Variants in CELF2 observed in about 807,000 individuals in gnomAD.
CELF2 encodes CUGBP Elav-like family member 2.
CELF2 carries 8 observed loss-of-function variants against 62.6 expected under a neutral mutation model. The ratio of observed to expected loss-of-function variants is 0.13; its 90% CI spans 0.07 to 0.23. The LOEUF (loss-of-function observed/expected upper bound fraction) is 0.23, where lower values mean the gene tolerates loss of function less well. CELF2 is among the 10% of genes least tolerant of loss of function. CELF2 has a pLI of 1.00. For synonymous variants in CELF2, 258 were observed against 250.0 expected (o/e 1.03, Z -0.30); for missense variants, 333 against 671.0 (o/e 0.50, Z 5.56).
At chr10:11,135,088 G>C (rs1007805511) in intron 1 of CELF2, among the ~76,000 whole-genome samples, 20 of 152,246 alleles carry the variant, frequency 1.3e-4, no homozygotes, top group African/African-American at 4.6e-4. Context: ...GAGAGGCTGA[G>C]CGACACCCTG....
At chr10:10,962,593 C>T (rs901182858) in intron 2 of CELF2, among the ~76,000 whole-genome samples, 1 of 152,156 alleles carries the variant, frequency 6.6e-6, no homozygotes, top group Non-Finnish European at 1.5e-5. Flanking sequence ...TGGTGGTGCA[C>T]ACACCCCTGT....
At chr10:11,042,221 A>G (rs2061968953) in intron 1 of CELF2, among the ~76,000 whole-genome samples, 1 of 152,228 alleles carries the variant, frequency 6.6e-6, no homozygotes, top group South Asian at 2.1e-4. Context: ...TCGACAGTAG[A>G]CAGTATATTT....
intron 2 of CELF2, among the ~76,000 whole-genome samples, chr10:11,188,596 T>C (rs2075584905): frequency 6.6e-6 from 1 of 152,194 alleles, no homozygotes. Flanking sequence ...GTAATTTGAT[T>C]ATGATGTGCC....
At chr10:10,903,688 T>A (rs573785604) in intron 1 of CELF2, among the ~76,000 whole-genome samples, 22 of 152,174 alleles carry the variant, frequency 1.4e-4, no homozygotes, top group Non-Finnish European at 1.8e-4. Flanking sequence ...AGGGCCTCCA[T>A]GGTGATGAGT....
chr10:10,670,979 C>G, the CELF2 span, among the ~76,000 whole-genome samples: 7 of 151,970 alleles, frequency 4.6e-5, no homozygotes, highest in African/African-American at 1.4e-4. Flanking sequence ...CCAGCCTAGG[C>G]AACATGGCAA....
chr10:10,567,619 A>G, the CELF2 span, among the ~76,000 whole-genome samples: 1 of 152,142 alleles, frequency 6.6e-6, no homozygotes, highest in African/African-American at 2.4e-5. Flanking sequence ...AAGCCTGTAT[A>G]TCTCCTACAT....
At chr10:11,057,781 A>G (rs533324816) in intron 1 of CELF2, among the ~76,000 whole-genome samples, 8 of 152,332 alleles carry the variant, frequency 5.3e-5, no homozygotes, top group African/African-American at 1.9e-4. Context: ...CTGTTTCTCC[A>G]TACCCCAGCA....
chr10:11,006,295 A>G (rs1282401350), intron 1 of CELF2, among the ~76,000 whole-genome samples: 8 of 152,084 alleles, frequency 5.3e-5, no homozygotes, highest in Non-Finnish European at 1.2e-4. Flanking sequence ...TCTTGTTTGT[A>G]TAGACTATCA....
At chr10:10,624,687 G>A in the CELF2 span, among the ~76,000 whole-genome samples, 1 of 152,186 alleles carries the variant, frequency 6.6e-6, no homozygotes, top group South Asian at 2.1e-4. Flanking sequence ...TACAGTCTCA[G>A]ATCCCAACAG....
rs1006793438 is a variant in CELF2 at position 11,244,276 on chromosome 10, C to T, written c.355-4877C>T. On this transcript the variant is annotated intron_variant, in intron 3 of 12. Coordinates refer to ENST00000633077, the MANE Select transcript of CELF2 (RefSeq NM_001326342.2). The surrounding 1 kb of genome is among the most constrained non-coding windows in gnomAD (Gnocchi z 4.2). ...AGTAGATGGGCATTGTTTCTTTTTA[C>T]TTGAAATTGTCCAGCCTATGAACAT... Among the ~76,000 whole-genome samples the T allele has an allele frequency of 6.6e-6, 1 of 152,246 alleles. No individual in the cohort carries two copies. Among genetic ancestry groups the T allele is most frequent in the Admixed American group, 6.5e-5 (1 of 15,288 alleles).
intron 1 of CELF2, among the ~76,000 whole-genome samples, chr10:11,102,788 C>G (rs2052102297): frequency 6.6e-6 from 1 of 152,172 alleles, no homozygotes; most frequent in Non-Finnish European, 1.5e-5. Context: ...AAAACTCAAC[C>G]AAGCATGCCT....
chr10:10,987,705 G>A (rs1052355731), intron 2 of CELF2, among the ~76,000 whole-genome samples: 2 of 151,704 alleles, frequency 1.3e-5, no homozygotes, highest in Non-Finnish European at 2.9e-5. Flanking sequence ...AGAAAAAAAC[G>A]ATCTCAATAG....
At chr10:10,929,796 TGA>T (rs1358990787) in intron 2 of CELF2, 1 of 152,206 alleles carries the variant, frequency 6.6e-6, no homozygotes, top group Non-Finnish European at 1.5e-5. Flanking sequence ...GAGGTGGAGA[TGA>T]GAGAGCATCA....
the CELF2 span, among the ~76,000 whole-genome samples, chr10:10,674,852 T>G: frequency 6.6e-6 from 1 of 151,930 alleles, no homozygotes; most frequent in Non-Finnish European, 1.5e-5. Flanking sequence ...TGTGAATACC[T>G]TATAATAACA....
At chr10:10,784,822 G>A in the CELF2 span, among the ~76,000 whole-genome samples, 1 of 152,118 alleles carries the variant, frequency 6.6e-6, no homozygotes, top group Admixed American at 6.5e-5. Flanking sequence ...CTGGGTAACT[G>A]CCTTCTCCTA....
intron 9 of CELF2, among the ~76,000 whole-genome samples, chr10:11,299,367 C>T (rs1012898156): frequency 6.6e-6 from 1 of 151,864 alleles, no homozygotes; most frequent in Non-Finnish European, 1.5e-5. Flanking sequence ...GCCAGGTGAC[C>T]TCTTGCCCCC....
chr10:11,211,811 AGAGTGTGTGTGTGTGTGTGTGTGTGTGT>A lies in CELF2; in HGVS notation c.272-5612_272-5585del, dbSNP rs1222386553. 1.8e-5 allele frequency among the ~76,000 whole-genome samples: 1 copy of A among 56,044 alleles called. No homozygotes were observed. The highest frequency in any genetic ancestry group is 4.2e-5 in the Non-Finnish European group (1 of 23,628). The allele number at this position is 56,044 out of a possible 152,430, so 36.8% of individuals were successfully genotyped here. A position where few individuals can be genotyped will look rare whatever the true frequency, so the allele number is the denominator to read the frequency against. ...GTGTGTGAGAGAGAGAGAGAGAGAG[AGAGTGTGTGTGTGTGTGTGTGTGTGTGT>A]GTGTGTGTGTGTGTGTAACTACCAT... On this transcript the variant is annotated intron_variant, in intron 2 of 12. Coordinates refer to ENST00000633077, the MANE Select transcript of CELF2 (RefSeq NM_001326342.2). This position sits in a 1 kb window ranked among gnomAD's most constrained non-coding sequence, Gnocchi z 4.8.
Position 11,018,142 on chromosome 10 carries a change from GC to G in CELF2, c.55del (p.Leu19CysfsTer14). 6.6e-7 allele frequency: 1 copy of G among 1,522,306 alleles called. No homozygotes were observed. The highest frequency in any genetic ancestry group is 8.8e-7 in the Non-Finnish European group (1 of 1,132,614). The allele number at this position is 1,522,306 out of a possible 1,614,324, so 94.3% of individuals were successfully genotyped here. A position where few individuals can be genotyped will look rare whatever the true frequency, so the allele number is the denominator to read the frequency against. ...DFLPDMMVEG[R>X]LLVPDRINGT... Reference sequence around the variant, plus strand: ...CTCCCGGACATGATGGTCGAGGGCCGCCTGCTCGTTCCTGACAGAATGTGAG... The same window carrying G: ...CTCCCGGACATGATGGTCGAGGGCCGCTGCTCGTTCCTGACAGAATGTGAG... On this transcript the variant is annotated frameshift_variant, in exon 1 of 13. Transcript: ENST00000633077. LOFTEE classifies it high-confidence loss of function.
chr10:10,491,633 G>C, the CELF2 span, among the ~76,000 whole-genome samples: 13 of 152,252 alleles, frequency 8.5e-5, no homozygotes, highest in East Asian at 2.3e-3. Flanking sequence ...AATTCTTTTA[G>C]AATGTGAATT....
Sources: allele counts gnomAD v4.1 joint callset (sites outside exome capture counted in the v4.1 genomes callset), GRCh38; gene constraint gnomAD v4.1.1; non-coding constraint Gnocchi (gnomAD v3.1); transcripts MANE v1.5; gene names NCBI Gene and HGNC (gene_info 2026-07-23, HGNC 2026-07-21).